Variants in PPP6R3 observed in about 807,000 individuals in gnomAD.
PPP6R3 encodes protein phosphatase 6 regulatory subunit 3.
A neutral mutation model predicts 110.7 loss-of-function variants in PPP6R3; 38 were observed. The ratio of observed to expected loss-of-function variants is 0.34; its 90% CI spans 0.26 to 0.45. PPP6R3 has a LOEUF of 0.45. PPP6R3 is among the 20% of genes least tolerant of loss of function. The pLI is 1.00. For missense variants in PPP6R3, 870 were observed against 1,062.4 expected (o/e 0.82, Z 2.52); for synonymous variants, 369 against 373.5 (o/e 0.99, Z 0.14).
chr11:68,574,444 G>T (rs1328379694), intron 13 of PPP6R3, among the ~76,000 whole-genome samples: 4 of 152,148 alleles, frequency 2.6e-5, no homozygotes, highest in Non-Finnish European at 5.9e-5. Context: ...CATAAGCATT[G>T]GCAGGCTTGG....
chr11:68,480,404 T>C lies in PPP6R3; in HGVS notation c.-158+19577T>C, dbSNP rs1345751466. 2.6e-5 allele frequency among the ~76,000 whole-genome samples: 4 copies of C among 152,250 alleles called. No homozygotes were observed. The East Asian group carries it at 7.7e-4, about 29-fold the overall frequency. On this transcript the variant is annotated intron_variant, in intron 1 of 23. Coordinates refer to ENST00000393800, the MANE Select transcript of PPP6R3 (RefSeq NM_001164161.2). Reference sequence around the variant, plus strand: ...TTGAGCTCTTCTGTACCAGACACTGTCTGGGCACTTGGTATTTACCAAAGA... The same window carrying C: ...TTGAGCTCTTCTGTACCAGACACTGCCTGGGCACTTGGTATTTACCAAAGA...
At chr11:68,468,411 C>G (rs1294769578) in intron 1 of PPP6R3, among the ~76,000 whole-genome samples, 1 of 152,194 alleles carries the variant, frequency 6.6e-6, no homozygotes, top group Admixed American at 6.5e-5. Flanking sequence ...AAGTGAGACC[C>G]TGCCCCTTCT....
chr11:68,587,922 G>GC lies in PPP6R3; in HGVS notation c.1633-3dup, dbSNP rs1252300146. ...TATCACTGTCACTGGTCCTGGGGTTGCCAGGCCTTTTCTGATTATCAGATG... is the reference window on the plus strand; with the variant it reads ...TATCACTGTCACTGGTCCTGGGGTTGCCCAGGCCTTTTCTGATTATCAGATG... On this transcript the variant is annotated splice_polypyrimidine_tract_variant and splice_region_variant and intron_variant, in intron 15 of 23. Transcript: ENST00000393800. 2.5e-6 allele frequency: 4 copies of GC among 1,612,896 alleles called. No individual in the cohort carries two copies. The highest frequency in any genetic ancestry group is 3.4e-6 in the Non-Finnish European group (4 of 1,178,974).
At chr11:68,519,205 G>A (rs2099151803) in intron 1 of PPP6R3, among the ~76,000 whole-genome samples, 1 of 152,186 alleles carries the variant, frequency 6.6e-6, no homozygotes, top group Non-Finnish European at 1.5e-5. Context: ...GATGTTTTCA[G>A]AAGACAAAGG....
rs1944992454 is a variant in PPP6R3, at chr11:68,615,018, G to A, written c.*1901G>A. On this transcript the variant is annotated 3_prime_UTR_variant, in exon 24 of 24. Transcript: ENST00000393800. ...GTGGCCTCTGTGGTATGGACCTGGT[G>A]GCTTCTCCATCCTACCCAAGGTAAC... The A allele has an allele frequency of 1.9e-6, 1 of 521,008 alleles. No individual in the cohort carries two copies. The highest frequency in any genetic ancestry group is 2.9e-4 in the Middle Eastern group (1 of 3,462). 32.3% of individuals were successfully genotyped at this position (521,008 alleles called of 1,614,324 possible).
chr11:68,544,453 T>G (rs1345845354), intron 3 of PPP6R3, among the ~76,000 whole-genome samples: 1 of 152,212 alleles, frequency 6.6e-6, no homozygotes, highest in Non-Finnish European at 1.5e-5. Flanking sequence ...TCCTCCACAG[T>G]TGTCCGCAAG....
chr11:68,594,299 G>GAGGAGAGAGGA (rs1566083078), intron 18 of PPP6R3, among the ~76,000 whole-genome samples: 2 of 139,226 alleles, frequency 1.4e-5, no homozygotes, highest in African/African-American at 5.4e-5. Flanking sequence ...AGAGGAGAGA[G>GAGGAGAGAGGA]GAGAGAGAGA....
At chr11:68,561,886 A>G (rs1166674939) in intron 8 of PPP6R3, among the ~76,000 whole-genome samples, 1 of 152,196 alleles carries the variant, frequency 6.6e-6, no homozygotes, top group East Asian at 1.9e-4. Flanking sequence ...AGCCTCCTGA[A>G]GTAGCTAGGA....
chr11:68,499,729 C>CA (rs2099038188), intron 1 of PPP6R3, among the ~76,000 whole-genome samples: 1 of 152,086 alleles, frequency 6.6e-6, no homozygotes, highest in Non-Finnish European at 1.5e-5. Flanking sequence ...CGCGCACCAC[C>CA]ACACCCGGCT....
chr11:68,499,215 T>G (rs908470505), intron 1 of PPP6R3, among the ~76,000 whole-genome samples: 1 of 152,194 alleles, frequency 6.6e-6, no homozygotes, highest in Non-Finnish European at 1.5e-5. Context: ...TCTTGCAGTT[T>G]CTGGGAGTCA....
intron 1 of PPP6R3, among the ~76,000 whole-genome samples, chr11:68,471,161 G>A (rs2098788792): frequency 6.6e-6 from 1 of 151,640 alleles, no homozygotes; most frequent in Admixed American, 6.6e-5. Context: ...GTGGGTGCCT[G>A]TAGTTCCAGC....
chr11:68,493,596 G>GT (rs1433806429), intron 1 of PPP6R3, among the ~76,000 whole-genome samples: 1 of 126,050 alleles, frequency 7.9e-6, no homozygotes, highest in East Asian at 2.2e-4. Context: ...CATGCTTGGG[G>GT]TAAAAAAAAA....
At chr11:68,475,698 C>T (rs1372856518) in intron 1 of PPP6R3, among the ~76,000 whole-genome samples, 1 of 151,252 alleles carries the variant, frequency 6.6e-6, no homozygotes, top group Non-Finnish European at 1.5e-5. Context: ...CACCTCCCTC[C>T]CGGACGGGGT....
intron 22 of PPP6R3, among the ~76,000 whole-genome samples, chr11:68,608,728 C>T (rs1479209122): frequency 6.6e-6 from 1 of 152,180 alleles, no homozygotes; most frequent in Admixed American, 6.5e-5. Flanking sequence ...GTCTCCCCGA[C>T]TTGCTGAGTT....
chr11:68,590,873 C>A (rs1390452342), intron 17 of PPP6R3, among the ~76,000 whole-genome samples, 159 bp downstream of exon 17: 1 of 152,032 alleles, frequency 6.6e-6, no homozygotes, highest in African/African-American at 2.4e-5. Context: ...ACCTGGCACC[C>A]GTGGGCATGT....
At chr11:68,555,741 G>T (rs567195394) in intron 7 of PPP6R3, among the ~76,000 whole-genome samples, 1 of 152,340 alleles carries the variant, frequency 6.6e-6, no homozygotes, top group South Asian at 2.1e-4. Flanking sequence ...ATGAAGATAG[G>T]TAAATGCCTA....
intron 1 of PPP6R3, among the ~76,000 whole-genome samples, chr11:68,470,399 G>A (rs1203832931): frequency 3.9e-5 from 6 of 152,106 alleles, no homozygotes; most frequent in Admixed American, 3.9e-4. Flanking sequence ...CTGTGTTGGA[G>A]GGGCAGCGGA....
chr11:68,600,210 C>A, intron 19 of PPP6R3, 131 bp from the exon 20 acceptor site: 1 of 1,016,536 alleles, frequency 9.8e-7, no homozygotes, highest in Non-Finnish European at 1.5e-6. Context: ...CTGTCCGCTC[C>A]TGCCCTCATT....
intron 1 of PPP6R3, among the ~76,000 whole-genome samples, chr11:68,496,287 A>G (rs1490803221): frequency 6.6e-6 from 1 of 151,336 alleles, no homozygotes; most frequent in Non-Finnish European, 1.5e-5. Flanking sequence ...TGGCTTCCCA[A>G]AGTTGTTGGG....
Sources: gnomAD v4.1 joint callset for allele counts (sites outside exome capture counted in the v4.1 genomes callset) on GRCh38, gnomAD v4.1.1 for gene constraint, MANE v1.5 for transcripts, NCBI Gene and HGNC (gene_info 2026-07-23, HGNC 2026-07-21) for gene names.